The following RARB variants were observed in gnomAD, a reference collection of about 807,000 sequenced individuals.
RARB encodes the protein retinoic acid receptor beta, also known as HBV-activated protein.
RARB carries 17 observed loss-of-function variants against 51.9 expected under a neutral mutation model. The ratio of observed to expected loss-of-function variants is 0.33; its 90% CI spans 0.22 to 0.49. RARB has a LOEUF of 0.49. Among genes scored for constraint, RARB ranks in the 20% least tolerant of loss-of-function variants. The pLI is 0.99. For synonymous variants in RARB, 215 were observed against 195.4 expected (o/e 1.10, Z -0.84); for missense variants, 369 against 550.8 (o/e 0.67, Z 3.30).
At position 25,072,330 on chromosome 3, in the gene RARB, G is replaced by A. The variant is rs940437159; in HGVS notation, c.-328+12154G>A. On this transcript the variant is annotated intron_variant, in intron 3 of 11. Transcript: ENST00000383772. Reference sequence around the variant, plus strand: ...TGGAGAGCCAGTCACCGCCTTATGGGGGTGATCTGTGAAGACCCAGTGCTG... The same window carrying A: ...TGGAGAGCCAGTCACCGCCTTATGGAGGTGATCTGTGAAGACCCAGTGCTG... Among the ~76,000 whole-genome samples the A allele has an allele frequency of 2.0e-5, 3 of 152,188 alleles. No individual in the cohort carries two copies. In the South Asian group the frequency reaches 6.2e-4, roughly 31 times the overall value.
intron 3 of RARB, among the ~76,000 whole-genome samples, chr3:25,098,363 G>A (rs543959559): frequency 2.6e-5 from 4 of 152,260 alleles, no homozygotes; most frequent in South Asian, 4.1e-4. Flanking sequence ...ACATAACTTA[G>A]AAGTTTGAGA....
chr3:25,441,396 C>A, intron 1 of RARB: 1 of 236,460 alleles, frequency 4.2e-6, no homozygotes, highest in Non-Finnish European at 8.9e-6. Flanking sequence ...ACGGAGTACC[C>A]CAGTCCCAGG....
At chr3:25,045,792 G>T (rs888966856) in intron 2 of RARB, among the ~76,000 whole-genome samples, 1 of 152,148 alleles carries the variant, frequency 6.6e-6, no homozygotes, top group Non-Finnish European at 1.5e-5. Context: ...ACTTCTTAAG[G>T]TTTAATATTT....
At chr3:25,158,196 C>G (rs1289103710) in intron 4 of RARB, among the ~76,000 whole-genome samples, 1 of 152,238 alleles carries the variant, frequency 6.6e-6, no homozygotes, top group African/African-American at 2.4e-5. Context: ...CTTCCCATAT[C>G]TTTATCCTGG....
chr3:25,423,392 G>C (rs1425264336), upstream of RARB, among the ~76,000 whole-genome samples: 1 of 152,114 alleles, frequency 6.6e-6, no homozygotes, highest in Non-Finnish European at 1.5e-5. Context: ...TTTTAAATGA[G>C]GTAGTTCTAT....
intron 5 of RARB, among the ~76,000 whole-genome samples, chr3:25,291,569 A>T (rs948870603): frequency 4.0e-5 from 6 of 149,026 alleles, no homozygotes. Flanking sequence ...AAAACCTCTG[A>T]GATTGTTAGA....
chr3:25,425,616 T>C (rs903882158), upstream of RARB, among the ~76,000 whole-genome samples: 1 of 152,196 alleles, frequency 6.6e-6, no homozygotes, highest in African/African-American at 2.4e-5. Context: ...AACTTCAAGG[T>C]AATTATATAT....
chr3:25,184,262 G>C (rs940490292), intron 5 of RARB, among the ~76,000 whole-genome samples: 2 of 151,902 alleles, frequency 1.3e-5, no homozygotes, highest in African/African-American at 4.8e-5. Context: ...ATGCCCATAA[G>C]CTTTGCAAAT....
intron 1 of RARB, among the ~76,000 whole-genome samples, chr3:25,444,910 C>T (rs543304727): frequency 6.6e-6 from 1 of 152,236 alleles, no homozygotes; most frequent in African/African-American, 2.4e-5. Context: ...ACCAGTGTTA[C>T]CATATCAGTT....
At chr3:25,488,450 C>T (rs1696571363) in intron 2 of RARB, among the ~76,000 whole-genome samples, 1 of 152,124 alleles carries the variant, frequency 6.6e-6, no homozygotes, top group South Asian at 2.1e-4. Context: ...CTCTTTTGTC[C>T]TTCTGGAGAA....
intron 7 of RARB, among the ~76,000 whole-genome samples, chr3:25,595,295 C>T (rs1398662757): frequency 6.6e-6 from 1 of 150,712 alleles, no homozygotes; most frequent in Non-Finnish European, 1.5e-5. Context: ...ACCAAATGGG[C>T]TATTGTCATT....
At chr3:24,978,294 T>C (rs955237636) in intron 2 of RARB, among the ~76,000 whole-genome samples, 3 of 152,184 alleles carry the variant, frequency 2.0e-5, no homozygotes, top group Admixed American at 1.3e-4. Context: ...GAATTCCCTC[T>C]TTTTCTGTTG....
At chr3:24,929,763 G>C (rs530346356) in intron 2 of RARB, among the ~76,000 whole-genome samples, 4 of 152,224 alleles carry the variant, frequency 2.6e-5, no homozygotes, top group African/African-American at 9.6e-5. Flanking sequence ...ATTCCCAGCT[G>C]TTGTCAATGT....
chr3:25,561,147 C>T (rs1414905791), intron 3 of RARB, among the ~76,000 whole-genome samples: 1 of 152,096 alleles, frequency 6.6e-6, no homozygotes, highest in Non-Finnish European at 1.5e-5. Context: ...AGGGTCCTTC[C>T]ATTTGTCCAT....
rs1195506460 is a variant in RARB, at chr3:25,538,967, T to TTTCA, written c.449-30790_449-30789insTCAT. ...TACTACTCTGCTAATCACAGACAAGTTGAAGCAAGCTTAATTACAAATAGT... is the reference window on the plus strand; with the variant it reads ...TACTACTCTGCTAATCACAGACAAGTTTCATGAAGCAAGCTTAATTACAAATAGT... On this transcript the variant is annotated intron_variant, in intron 3 of 7. Coordinates refer to ENST00000330688, the MANE Select transcript of RARB (RefSeq NM_000965.5). 3.3e-5 allele frequency among the ~76,000 whole-genome samples: 5 copies of TTTCA among 152,218 alleles called. No individual in the cohort carries two copies. The East Asian group carries it at 9.6e-4, about 29-fold the overall frequency.
At chr3:25,150,116 G>A (rs955451069) in intron 4 of RARB, among the ~76,000 whole-genome samples, 2 of 151,584 alleles carry the variant, frequency 1.3e-5, no homozygotes, top group African/African-American at 4.9e-5. Flanking sequence ...CAGAAGAATC[G>A]CTTGAACCTG....
chr3:25,364,082 T>C (rs1460699838), intron 5 of RARB, among the ~76,000 whole-genome samples: 3 of 152,362 alleles, frequency 2.0e-5, no homozygotes, highest in Admixed American at 2.0e-4. Flanking sequence ...TTTTTTCTTA[T>C]ATAGCACTTC....
intron 5 of RARB, among the ~76,000 whole-genome samples, chr3:25,226,493 T>G (rs967246477): frequency 3.9e-5 from 6 of 152,196 alleles, no homozygotes; most frequent in African/African-American, 1.4e-4. Context: ...TGTTGAGCTT[T>G]CTACACACGT....
chr3:25,430,080 C>A (rs993072308), intron 1 of RARB, among the ~76,000 whole-genome samples: 2 of 152,150 alleles, frequency 1.3e-5, no homozygotes, highest in African/African-American at 4.8e-5. Flanking sequence ...AGAATAAAGA[C>A]TTGCTTCTTG....
Sources: gnomAD v4.1 joint callset for allele counts (sites outside exome capture counted in the v4.1 genomes callset) on GRCh38, gnomAD v4.1.1 for gene constraint, MANE v1.5 for transcripts, NCBI Gene and HGNC (gene_info 2026-07-23, HGNC 2026-07-21) for gene names.